Variants in SH3KBP1 observed in about 807,000 individuals in gnomAD.
SH3KBP1 encodes the protein SH3 domain-containing kinase-binding protein 1.
Under a neutral mutation model 50.1 loss-of-function variants are expected in SH3KBP1, and 8 were observed. The ratio of observed to expected loss-of-function variants is 0.16; its 90% confidence interval spans 0.09 to 0.29. The LOEUF is 0.29. Ranked by LOEUF, SH3KBP1 falls within the 10% of genes least tolerant of loss-of-function variation. SH3KBP1 has a pLI of 1.00. For missense variants in SH3KBP1, 377 were observed against 535.2 expected (o/e 0.70, Z 2.92); for synonymous variants, 227 against 218.6 (o/e 1.04, Z -0.34).
At chrX:19,703,863 T>C (rs1168026735) in intron 4 of SH3KBP1, among the ~76,000 whole-genome samples, 2 of 110,669 alleles carry the variant, frequency 1.8e-5, no homozygotes, top group African/African-American at 3.3e-5. Context: ...TCCTACAGTA[T>C]TGCAAAACTA....
chrX:19,671,134 C>A (rs1276483200), intron 6 of SH3KBP1: 3 of 572,007 alleles, frequency 5.2e-6, no homozygotes, highest in East Asian at 4.0e-5. Context: ...CCTCCTGGGG[C>A]CCCCAGGTGT....
chrX:19,572,325 CATAT>C lies in SH3KBP1; in HGVS notation c.1299-3141_1299-3138del, dbSNP rs769790011. Among the ~76,000 whole-genome samples, 4 of 102,260 alleles carry C rather than the reference CATAT, an allele frequency of 3.9e-5. No individual in the cohort carries two copies. In the South Asian group the frequency reaches 1.6e-3, roughly 41 times the overall value. The allele number at this position is 102,260 out of a possible 115,157, so 88.8% of individuals were successfully genotyped here. ...TATATAGTACATATGTTATATAGTA[CATAT>C]ATATGTTATATATAGTACATATATA... On this transcript the variant is annotated intron_variant, in intron 12 of 17. Transcript: ENST00000397821.
intron 5 of SH3KBP1, among the ~76,000 whole-genome samples, chrX:19,684,837 G>C (rs7058190): frequency 8.9e-6 from 1 of 111,795 alleles, no homozygotes. Context: ...CATGTGTTTG[G>C]AAGTCATAAA....
intron 2 of SH3KBP1, among the ~76,000 whole-genome samples, chrX:19,778,344 T>C (rs1252169587): frequency 1.9e-5 from 2 of 106,641 alleles, no homozygotes; most frequent in Non-Finnish European, 3.9e-5. Flanking sequence ...GGCAGGAGAA[T>C]TGCTTGAACC....
chrX:19,549,864 G>T, intron 14 of SH3KBP1, 110 bp downstream of exon 14: 2 of 528,935 alleles, frequency 3.8e-6, no homozygotes, highest in South Asian at 3.4e-5. Context: ...CTCTCCCAGG[G>T]TGTCCTCAAA....
chrX:19,645,787 G>A (rs1254992651), intron 6 of SH3KBP1, among the ~76,000 whole-genome samples: 1 of 112,060 alleles, frequency 8.9e-6, no homozygotes, highest in African/African-American at 3.2e-5. Context: ...GTTCCCCTCA[G>A]TTTATGAGAA....
At chrX:19,581,369 G>C (rs961238014) in intron 12 of SH3KBP1, among the ~76,000 whole-genome samples, 1 of 112,408 alleles carries the variant, frequency 8.9e-6, no homozygotes, top group African/African-American at 3.2e-5. Context: ...TCTTTAGAAA[G>C]AAATTCACAA....
intron 2 of SH3KBP1, among the ~76,000 whole-genome samples, chrX:19,772,098 A>G (rs1326344985): frequency 1.7e-4 from 19 of 111,487 alleles, no homozygotes; most frequent in Non-Finnish European, 3.8e-5. Flanking sequence ...GAAAAAAAAT[A>G]CTTGTGTTGG....
At chrX:19,585,858 G>C (rs1243760114) in intron 12 of SH3KBP1, among the ~76,000 whole-genome samples, 2 of 112,045 alleles carry the variant, frequency 1.8e-5, no homozygotes, top group Non-Finnish European at 3.8e-5. Context: ...CACTGAGTTA[G>C]AGCAGGCACT....
At chrX:19,680,864 T>C (rs2063033772) in intron 6 of SH3KBP1, among the ~76,000 whole-genome samples, 1 of 111,747 alleles carries the variant, frequency 8.9e-6, no homozygotes, top group African/African-American at 3.3e-5. Flanking sequence ...AGGAAGTTTA[T>C]GTTTTCCCCA....
chrX:19,639,166 C>T (rs190033959), intron 7 of SH3KBP1, among the ~76,000 whole-genome samples: 49 of 111,386 alleles, frequency 4.4e-4, no homozygotes, highest in South Asian at 3.9e-4. Flanking sequence ...AAATGAAACA[C>T]GATGTGTCCG....
At chrX:19,604,080 T>C (rs1360153668) in intron 9 of SH3KBP1, among the ~76,000 whole-genome samples, 1 of 111,286 alleles carries the variant, frequency 9.0e-6, no homozygotes, top group African/African-American at 3.3e-5. Context: ...TTTTTGAGAG[T>C]CTAAGTTCCC....
At chrX:19,703,810 TATATAC>T (rs2148665047) in intron 4 of SH3KBP1, among the ~76,000 whole-genome samples, 1 of 107,348 alleles carries the variant, frequency 9.3e-6, no homozygotes, top group South Asian at 4.1e-4. Flanking sequence ...AAAAATATAA[TATATAC>T]ATACACAATA....
At chrX:19,745,157 T>C (rs185339139) in intron 3 of SH3KBP1, among the ~76,000 whole-genome samples, 3 of 112,900 alleles carry the variant, frequency 2.7e-5, no homozygotes, top group Admixed American at 9.3e-5. Context: ...TGGGCAAGAC[T>C]GTAGTTTTAC....
At chrX:19,594,915 A>G (rs763241253) in intron 10 of SH3KBP1, 34 bp downstream of exon 10, 1 of 1,059,906 alleles carries the variant, frequency 9.4e-7, no homozygotes. Context: ...AGAAAGACGC[A>G]TATTTTATTT....
intron 9 of SH3KBP1, among the ~76,000 whole-genome samples, chrX:19,599,190 G>T (rs890936588): frequency 9.0e-6 from 1 of 111,050 alleles, no homozygotes. Context: ...GCCTCCTTTC[G>T]CTGAGGCCAT....
chrX:19,563,356 A>G (rs1266960680), intron 13 of SH3KBP1, among the ~76,000 whole-genome samples: 1 of 111,943 alleles, frequency 8.9e-6, no homozygotes, highest in African/African-American at 3.3e-5. Flanking sequence ...TCAGCAGCAC[A>G]CCTCCACTGT....
At chrX:19,753,170 G>C (rs1441042314) in intron 2 of SH3KBP1, among the ~76,000 whole-genome samples, 5 of 111,770 alleles carry the variant, frequency 4.5e-5, no homozygotes, top group Non-Finnish European at 9.4e-5. Context: ...AGAGCTGAGT[G>C]AGGTTGGGCA....
At chrX:19,869,642 T>C (rs985683959) in intron 1 of SH3KBP1, among the ~76,000 whole-genome samples, 11 of 112,473 alleles carry the variant, frequency 9.8e-5, no homozygotes, top group Non-Finnish European at 1.7e-4. Context: ...CAGTTTAGCC[T>C]ATATCCCAAT....
Sources: gnomAD v4.1 joint callset for allele counts (sites outside exome capture counted in the v4.1 genomes callset) on GRCh38, gnomAD v4.1.1 for gene constraint, MANE v1.5 for transcripts, NCBI Gene and HGNC (gene_info 2026-07-23, HGNC 2026-07-21) for gene names.